The following ARHGAP32 variants were observed in gnomAD, a reference collection of about 807,000 sequenced individuals.
The protein encoded by ARHGAP32 is Rho GTPase activating protein 32.
ARHGAP32 carries 51 observed loss-of-function variants against 186.5 expected under a neutral mutation model. That is an observed-to-expected ratio of 0.27 (90% CI 0.22 to 0.35). The LOEUF is 0.35. Among genes scored for constraint, ARHGAP32 ranks in the 10% least tolerant of loss-of-function variants. ARHGAP32 has a pLI of 1.00. For missense variants in ARHGAP32, 2,186 were observed against 2,623.5 expected, an observed-to-expected ratio of 0.83 and a Z score of 3.64; for synonymous variants, 950 against 964.3, an observed-to-expected ratio of 0.99 and a Z score of 0.27.
At chr11:129,081,620 C>T (rs550589529) in intron 6 of ARHGAP32, among the ~76,000 whole-genome samples, 1 of 151,780 alleles carries the variant, frequency 6.6e-6, no homozygotes, top group Non-Finnish European at 1.5e-5. Flanking sequence ...TAAAACTCAT[C>T]TATGACAAAC....
At position 129,232,023 on chromosome 11, in the gene ARHGAP32, CAAAAAAAA is replaced by C. The variant is rs71057935; in HGVS notation, c.-5+47115_-5+47122del. Among the ~76,000 whole-genome samples, 130 of 64,550 alleles carry C rather than the reference CAAAAAAAA, an allele frequency of 2.0e-3. 2 individuals are homozygous for C. Among genetic ancestry groups the C allele is most frequent in the Non-Finnish European group, 2.4e-3 (86 of 36,392 alleles). 42.3% of individuals were successfully genotyped at this position (64,550 alleles called of 152,430 possible). A position where few individuals can be genotyped will look rare whatever the true frequency, so the allele number is the denominator to read the frequency against. On this transcript the variant is annotated intron_variant, in intron 1 of 6. Coordinates refer to the ARHGAP32 transcript ENST00000525234. ...CCTAGGTGACAAAGTGAGACGGACTCAAAAAAAAAAAAAAAAAAAAAAAAAAAGAGACT... is the reference window on the plus strand; with the variant it reads ...CCTAGGTGACAAAGTGAGACGGACTCAAAAAAAAAAAAAAAAAAAGAGACT...
chr11:129,172,471 C>T (rs1279411658), intron 1 of ARHGAP32, among the ~76,000 whole-genome samples: 1 of 151,900 alleles, frequency 6.6e-6, no homozygotes, highest in Non-Finnish European at 1.5e-5. Flanking sequence ...AACTCTCTAC[C>T]CCAAATCAAC....
chr11:129,049,249 C>T (rs189931990), intron 10 of ARHGAP32, among the ~76,000 whole-genome samples: 11 of 151,928 alleles, frequency 7.2e-5, no homozygotes, highest in Non-Finnish European at 1.5e-4. Flanking sequence ...CAGTGTATGA[C>T]AACAGCATGA....
At chr11:129,160,377 T>C (rs935170554) in intron 2 of ARHGAP32, among the ~76,000 whole-genome samples, 13 of 152,186 alleles carry the variant, frequency 8.5e-5, no homozygotes, top group Non-Finnish European at 1.9e-4. Context: ...CAAAATCTCC[T>C]TAAGCTGATC....
In ARHGAP32 at chr11:128,969,624, C is replaced by G; in HGVS notation, c.5589G>C (p.Gln1863His). ...TCTGAGGCAGGGATGGCTTCTCCGG[C>G]TGCGTGCTACCATGGCCTCCGTGAT... ...AHHHGGHGSTQPEKPSLPQKQ... is the reference protein window; with the variant it reads ...AHHHGGHGSTHPEKPSLPQKQ... The change falls in exon 23 of 23, where the codon CAG becomes CAC. Residue 1863 changes from glutamine (Q) to histidine (H), a missense_variant. Coordinates refer to ENST00000682385, the MANE Select transcript of ARHGAP32 (RefSeq NM_001378024.1). The surrounding 1 kb of genome is among the most constrained non-coding windows in gnomAD (Gnocchi z 4.8). 1 of 1,614,122 alleles carries G rather than the reference C, an allele frequency of 6.2e-7. No individual in the cohort carries two copies. The highest frequency in any genetic ancestry group is 8.5e-7 in the Non-Finnish European group (1 of 1,180,030).
intron 10 of ARHGAP32, among the ~76,000 whole-genome samples, chr11:129,053,836 A>C (rs1940148804): frequency 6.6e-6 from 1 of 152,160 alleles, no homozygotes; most frequent in South Asian, 2.1e-4. Context: ...ATTTCCCATT[A>C]CTTAACTGGA....
chr11:128,985,868 A>ATATG (rs1262412927), intron 15 of ARHGAP32, 135 bp downstream of exon 15: 1 of 209,026 alleles, frequency 4.8e-6, no homozygotes, highest in Non-Finnish European at 9.0e-6. Context: ...GTATATATAT[A>ATATG]TATATATATA....
Position 128,980,602 on chromosome 11 carries a change from C to T in ARHGAP32, c.1927G>A (p.Ala643Thr), listed in dbSNP as rs769238335. ...NKYIEVGEGP[A>T]ALQGKFHTII... is the part of the protein sequence containing the mutation. Reference sequence around the variant, plus strand: ...GTATGAAATTTCCCCTGAAGTGCAGCAGGTCCTTCTCCTACTTCGATATAT... The same window carrying T: ...GTATGAAATTTCCCCTGAAGTGCAGTAGGTCCTTCTCCTACTTCGATATAT... Residue 643 changes from alanine to threonine, a missense_variant, in exon 18 of 23, where the codon GCT (alanine) becomes ACT (threonine). Physicochemically the swap from Ala to Thr is moderately conservative, Grantham distance 58 (BLOSUM62 0). Around this residue, in one of 5 missense-constraint regions of ARHGAP32, gnomAD observed 263 missense variants for 323.5 expected, o/e 0.81. Coordinates refer to ENST00000682385, the MANE Select transcript of ARHGAP32 (RefSeq NM_001378024.1). 1.2e-6 allele frequency: 2 copies of T among 1,613,712 alleles called. No individual in the cohort carries two copies. The highest frequency in any genetic ancestry group is 1.7e-6 in the Non-Finnish European group (2 of 1,179,842).
intron 1 of ARHGAP32, among the ~76,000 whole-genome samples, chr11:129,197,783 AT>A (rs900301572): frequency 2.0e-5 from 3 of 152,130 alleles, no homozygotes; most frequent in African/African-American, 7.2e-5. Context: ...CAAAATTTAG[AT>A]TTTTTTATAA....
chr11:129,193,689 T>TG (rs1555111367), upstream of ARHGAP32, among the ~76,000 whole-genome samples: 1 of 24,420 alleles, frequency 4.1e-5, no homozygotes, highest in Admixed American at 8.4e-4. Flanking sequence ...ATAATATATA[T>TG]TATATAATAT....
At chr11:128,981,316 A>T in intron 17 of ARHGAP32, 100 bp downstream of exon 17, 2 of 1,300,486 alleles carry the variant, frequency 1.5e-6, no homozygotes, top group Non-Finnish European at 1.1e-6. Context: ...GCCTTATACC[A>T]GTGACACGTT....
At chr11:129,060,698 A>G (rs960951332) in intron 10 of ARHGAP32, among the ~76,000 whole-genome samples, 8 of 152,202 alleles carry the variant, frequency 5.3e-5, no homozygotes, top group Non-Finnish European at 8.8e-5. Context: ...GGTCTTAACA[A>G]CCAAATTAAA....
intron 1 of ARHGAP32, among the ~76,000 whole-genome samples, chr11:129,185,974 T>G (rs1286898534): frequency 6.6e-6 from 1 of 152,072 alleles, no homozygotes; most frequent in African/African-American, 2.4e-5. Flanking sequence ...TCTGGGAAGG[T>G]TTTGCCTGCT....
At chr11:129,204,893 AT>A (rs368495125) in intron 1 of ARHGAP32, among the ~76,000 whole-genome samples, 348 of 152,242 alleles carry the variant, frequency 2.3e-3, no homozygotes, top group African/African-American at 8.2e-3. Context: ...TAATTCTTCA[AT>A]TTTATTTTCC....
chr11:128,989,596 A>C lies in ARHGAP32; in HGVS notation c.1196-1471T>G, dbSNP rs533027910. Among the ~76,000 whole-genome samples the C allele has an allele frequency of 1.5e-3, 225 of 151,606 alleles. 1 individual carries two copies. The highest frequency in any genetic ancestry group is 5.2e-3 in the African/African-American group (214 of 41,290). ...TTTATTATACTTTAAGTTCTGGGGT[A>C]CATGTGCAGAATGTGCAGTTTTGTT... On this transcript the variant is annotated intron_variant, in intron 12 of 22. Transcript: ENST00000682385.
intron 2 of ARHGAP32, among the ~76,000 whole-genome samples, chr11:129,159,882 T>C (rs1338215436): frequency 6.6e-6 from 1 of 152,164 alleles, no homozygotes. Flanking sequence ...CACAATCAAG[T>C]CAGCTTCAAC....
chr11:129,213,286 C>T (rs1944604457), intron 1 of ARHGAP32, among the ~76,000 whole-genome samples: 1 of 152,284 alleles, frequency 6.6e-6, no homozygotes, highest in Middle Eastern at 3.4e-3. Flanking sequence ...AAAATCACTG[C>T]TTCCTGAGTT....
At chr11:129,164,528 T>C (rs1943593923) in intron 1 of ARHGAP32, 101 bp from the exon 2 acceptor site, 1 of 694,228 alleles carries the variant, frequency 1.4e-6, no homozygotes, top group Non-Finnish European at 2.4e-6. Context: ...ATGTCAGATT[T>C]GAAGTTTAGC....
intron 1 of ARHGAP32, among the ~76,000 whole-genome samples, chr11:129,243,661 C>A (rs1353565368): frequency 6.6e-6 from 1 of 152,154 alleles, no homozygotes; most frequent in Non-Finnish European, 1.5e-5. Flanking sequence ...TATGAGGACT[C>A]TTTGTCTCTC....
Sources: gnomAD v4.1 joint callset for allele counts (sites outside exome capture counted in the v4.1 genomes callset) on GRCh38, gnomAD v4.1.1 for gene constraint, gnomAD v4.1.1 regional missense constraint, Gnocchi (gnomAD v3.1) non-coding constraint, MANE v1.5 for transcripts, NCBI Gene and HGNC (gene_info 2026-07-23, HGNC 2026-07-21) for gene names.